AHI1: variants seen among roughly 807,000 people sequenced by gnomAD.
AHI1 encodes jouberin.
Under a neutral mutation model 149.3 loss-of-function variants are expected in AHI1, and 123 were observed. The ratio of observed to expected loss-of-function variants is 0.82; its 90% CI spans 0.71 to 0.96. AHI1 has a LOEUF of 0.96. AHI1 is among the 40% of genes least tolerant of loss of function. The pLI, the probability that AHI1 is intolerant of heterozygous loss-of-function variation, is 0.00. For missense variants in AHI1, 1,439 were observed against 1,422.7 expected (o/e 1.01, Z -0.18); for synonymous variants, 475 against 459.8 (o/e 1.03, Z -0.42).
At chr6:135,410,933 G>A (rs1781493129) in intron 21 of AHI1, among the ~76,000 whole-genome samples, 1 of 152,186 alleles carries the variant, frequency 6.6e-6, no homozygotes, top group South Asian at 2.1e-4. Flanking sequence ...ACCTCTGCCT[G>A]TCTGGTTCAA....
At position 135,455,834 on chromosome 6, in the gene AHI1, G is replaced by C; in HGVS notation, c.1244C>G (p.Ser415Ter). 6.3e-7 allele frequency: 1 copy of C among 1,599,588 alleles called. No homozygotes were observed. Among genetic ancestry groups the C allele is most frequent in the Non-Finnish European group, 8.5e-7 (1 of 1,171,680 alleles). The stretch of plus-strand genomic sequence containing the variant: ...TTGTTCTTCCCACTCTGGAAGTCTT[G>C]ATTTTAACTGTTTAAAATCATATGG... ...TQPYDFKQLK[S>*]RLPEWEEQIV... is the part of the protein sequence containing the mutation. Residue 415 changes from serine to a stop codon, truncating the protein, a stop_gained, in exon 10 of 29, where the codon TCA (serine) becomes TGA (stop). Coordinates refer to ENST00000265602, the MANE Select transcript of AHI1 (RefSeq NM_001134831.2). LOFTEE classifies it high-confidence loss of function.
chr6:135,473,104 ATG>A (rs1792010874), intron 5 of AHI1, among the ~76,000 whole-genome samples: 1 of 152,142 alleles, frequency 6.6e-6, no homozygotes, highest in Non-Finnish European at 1.5e-5. Flanking sequence ...GCTCTTAAAT[ATG>A]TCTTTGATCC....
chr6:135,436,999 GA>G (rs1302968766), intron 15 of AHI1, among the ~76,000 whole-genome samples: 1 of 152,192 alleles, frequency 6.6e-6, no homozygotes, highest in East Asian at 1.9e-4. Flanking sequence ...GGACTGAGAT[GA>G]AAAGTACAGG....
At chr6:135,412,004 A>G (rs1296606399) in intron 20 of AHI1, among the ~76,000 whole-genome samples, 1 of 152,154 alleles carries the variant, frequency 6.6e-6, no homozygotes, top group East Asian at 1.9e-4. Context: ...AGTATTTCTT[A>G]CATTTCTACA....
intron 23 of AHI1, among the ~76,000 whole-genome samples, chr6:135,383,225 C>CTTTTT (rs1237358406): frequency 6.3e-4 from 37 of 58,740 alleles, no homozygotes; most frequent in Non-Finnish European, 9.0e-4. Flanking sequence ...TTCCCCCCTC[C>CTTTTT]CTTTTTTTTT....
intron 24 of AHI1, among the ~76,000 whole-genome samples, chr6:135,334,551 C>A (rs1789083181): frequency 6.6e-6 from 1 of 152,116 alleles, no homozygotes; most frequent in Non-Finnish European, 1.5e-5. Context: ...TGAATTAAAC[C>A]TTTTCTTACT....
intron 2 of AHI1, among the ~76,000 whole-genome samples, 186 bp from the exon 3 acceptor site, chr6:135,496,084 T>C (rs1262688953): frequency 6.6e-6 from 1 of 152,122 alleles, no homozygotes; most frequent in East Asian, 1.9e-4. Flanking sequence ...TATTATGTAA[T>C]GATAACACAG....
intron 20 of AHI1, among the ~76,000 whole-genome samples, chr6:135,413,203 C>T (rs1029225148): frequency 2.0e-5 from 3 of 151,754 alleles, no homozygotes; most frequent in East Asian, 3.9e-4. Context: ...GTACCATGTG[C>T]CTGTAGTTTC....
chr6:135,480,166 T>C (rs940913118), intron 5 of AHI1, among the ~76,000 whole-genome samples: 6 of 152,140 alleles, frequency 3.9e-5, no homozygotes, highest in African/African-American at 1.4e-4. Flanking sequence ...TCACATACAT[T>C]TTAAGAAATT....
intron 20 of AHI1, among the ~76,000 whole-genome samples, chr6:135,413,999 T>C (rs1024070392): frequency 6.6e-6 from 1 of 152,226 alleles, no homozygotes; most frequent in Admixed American, 6.5e-5. Context: ...AAATAAATTC[T>C]AAAATCGACA....
At position 135,433,076 on chromosome 6, in the gene AHI1, C is replaced by T; in HGVS notation, c.2217G>A (p.Gln739=). ...TGATAAAACTTTTGTGAACATCAAACTGTCGGACCAATATGGCAGAATCTT... is the reference window on the plus strand; with the variant it reads ...TGATAAAACTTTTGTGAACATCAAATTGTCGGACCAATATGGCAGAATCTT... ...MREDSAILVR[Q]FDVHKSFINS... The change falls in exon 16 of 29, where the codon CAG becomes CAA. Residue 739 remains glutamine, a synonymous_variant. Coordinates refer to ENST00000265602, the MANE Select transcript of AHI1 (RefSeq NM_001134831.2). 2 of 1,613,678 alleles carry T rather than the reference C, an allele frequency of 1.2e-6. No individual in the cohort carries two copies. Among genetic ancestry groups the T allele is most frequent in the Non-Finnish European group, 1.7e-6 (2 of 1,179,694 alleles).
intron 20 of AHI1, among the ~76,000 whole-genome samples, chr6:135,412,572 T>A (rs944598791): frequency 5.3e-5 from 8 of 152,224 alleles, no homozygotes; most frequent in Non-Finnish European, 1.2e-4. Flanking sequence ...ATGATGATAA[T>A]GAGCATGGTA....
chr6:135,320,762 G>A (rs1010862973), intron 25 of AHI1, among the ~76,000 whole-genome samples: 7 of 152,208 alleles, frequency 4.6e-5, no homozygotes, highest in Non-Finnish European at 1.0e-4. Context: ...TACATGAAAA[G>A]AGTAATGGAT....
chr6:135,346,229 T>C (rs1791183322), intron 24 of AHI1, among the ~76,000 whole-genome samples: 1 of 152,136 alleles, frequency 6.6e-6, no homozygotes, highest in African/African-American at 2.4e-5. Flanking sequence ...GAGTCTCACT[T>C]TGTTGCCCAG....
chr6:135,439,150 A>G, intron 14 of AHI1, among the ~76,000 whole-genome samples: 1 of 152,250 alleles, frequency 6.6e-6, no homozygotes, highest in East Asian at 1.9e-4. Context: ...CAGTTCAGAA[A>G]TAACAGCAGT....
intron 26 of AHI1, among the ~76,000 whole-genome samples, chr6:135,309,929 G>A (rs1236258139): frequency 6.6e-6 from 1 of 151,904 alleles, no homozygotes; most frequent in Non-Finnish European, 1.5e-5. Flanking sequence ...GCAAATCCAA[G>A]CATAAATTAA....
chr6:135,490,841 A>G (rs1795156230), intron 4 of AHI1, 94 bp from the exon 5 acceptor site: 3 of 1,443,336 alleles, frequency 2.1e-6, no homozygotes, highest in Non-Finnish European at 2.8e-6. Flanking sequence ...TCTTGTAAAT[A>G]TCGGCATGAG....
chr6:135,386,664 CTT>C (rs559800695), intron 23 of AHI1, among the ~76,000 whole-genome samples: 8 of 149,712 alleles, frequency 5.3e-5, no homozygotes, highest in Non-Finnish European at 1.0e-4. Flanking sequence ...GAGTTTTGCT[CTT>C]GTCATCCAGG....
intron 23 of AHI1, among the ~76,000 whole-genome samples, chr6:135,364,598 C>G (rs1305842097): frequency 6.6e-6 from 1 of 151,618 alleles, no homozygotes; most frequent in Non-Finnish European, 1.5e-5. Context: ...CCAGCCTGGG[C>G]ACCATTGAGC....
Sources: allele counts gnomAD v4.1 joint callset (sites outside exome capture counted in the v4.1 genomes callset), GRCh38; gene constraint gnomAD v4.1.1; transcripts MANE v1.5; gene names NCBI Gene and HGNC (gene_info 2026-07-23, HGNC 2026-07-21).